The following IQCK variants were observed in gnomAD, a reference collection of about 807,000 sequenced individuals.
IQCK encodes IQ domain-containing protein K.
IQCK carries 29 observed loss-of-function variants against 28.1 expected under a neutral mutation model. The ratio of observed to expected loss-of-function variants is 1.03; its 90% CI spans 0.77 to 1.41. IQCK has a LOEUF of 1.41. Ranked by LOEUF, IQCK falls within the 40% of genes most tolerant of loss-of-function variation. The probability of loss-of-function intolerance (pLI) is 0.00; values close to 1 mark genes in which losing one functional copy is unlikely to be tolerated. For synonymous variants in IQCK, 113 were observed against 115.1 expected, an observed-to-expected ratio of 0.98 and a Z score of 0.12; for missense variants, 359 against 314.7, an observed-to-expected ratio of 1.14 and a Z score of -1.07.
chr16:19,853,419 C>T (rs931867497), intron 9 of IQCK, among the ~76,000 whole-genome samples: 22 of 152,160 alleles, frequency 1.4e-4, no homozygotes, highest in African/African-American at 4.3e-4. Flanking sequence ...TTTTCCCAAG[C>T]AAGGTCAACA....
At chr16:19,773,695 G>A (rs572998433) in intron 6 of IQCK, among the ~76,000 whole-genome samples, 1 of 152,306 alleles carries the variant, frequency 6.6e-6, no homozygotes, top group Admixed American at 6.5e-5. Flanking sequence ...ACAAAAACAG[G>A]TGGTGGGCCA....
intron 7 of IQCK, among the ~76,000 whole-genome samples, chr16:19,803,339 C>G (rs995240927): frequency 6.6e-6 from 1 of 152,066 alleles, no homozygotes; most frequent in Non-Finnish European, 1.5e-5. Flanking sequence ...GACAGGGTCT[C>G]ACCATGTTGG....
intron 6 of IQCK, among the ~76,000 whole-genome samples, chr16:19,772,395 G>A (rs1480885055): frequency 6.6e-6 from 1 of 151,782 alleles, no homozygotes; most frequent in Admixed American, 6.6e-5. Context: ...TCAAAAAAAC[G>A]GTATAAAAAA....
chr16:19,733,890 G>A, intron 3 of IQCK, 63 bp downstream of exon 3: 4 of 1,575,030 alleles, frequency 2.5e-6, no homozygotes, highest in Non-Finnish European at 3.5e-6. Context: ...ACCACAGGGT[G>A]GGTATGGAGG....
intron 4 of IQCK, among the ~76,000 whole-genome samples, chr16:19,763,416 A>T (rs1221844896): frequency 6.6e-6 from 1 of 152,154 alleles, no homozygotes; most frequent in South Asian, 2.1e-4. Flanking sequence ...AAGGGGAGGC[A>T]GGAGAGGCAG....
chr16:19,729,327 C>T (rs576530377), intron 1 of IQCK, among the ~76,000 whole-genome samples: 3 of 152,124 alleles, frequency 2.0e-5, no homozygotes, highest in East Asian at 3.9e-4. Context: ...AGGCTGATCT[C>T]GAACTCCTGA....
chr16:19,754,472 C>T (rs1054571631), intron 4 of IQCK, among the ~76,000 whole-genome samples: 14 of 152,140 alleles, frequency 9.2e-5, no homozygotes, highest in Admixed American at 5.2e-4. Context: ...TTTTCCCTTT[C>T]GGCTTTTGGT....
At chr16:19,791,632 T>C (rs1358650529) in intron 7 of IQCK, among the ~76,000 whole-genome samples, 2 of 142,068 alleles carry the variant, frequency 1.4e-5, no homozygotes, top group Non-Finnish European at 2.9e-5. Flanking sequence ...CTTAGTGATA[T>C]GAATACAGCA....
At chr16:19,802,913 T>A (rs1252198182) in intron 7 of IQCK, among the ~76,000 whole-genome samples, 2 of 152,166 alleles carry the variant, frequency 1.3e-5, no homozygotes, top group Admixed American at 1.3e-4. Flanking sequence ...TTCTTAACTC[T>A]GCTGAGGAAT....
intron 9 of IQCK, among the ~76,000 whole-genome samples, chr16:19,834,634 G>C (rs1048718648): frequency 2.0e-5 from 3 of 152,204 alleles, no homozygotes; most frequent in Non-Finnish European, 4.4e-5. Flanking sequence ...CCATTCAAAG[G>C]CTGCAGGATC....
chr16:19,748,221 T>G lies in IQCK; in HGVS notation c.474+12771T>G, dbSNP rs2054939437. Among the ~76,000 whole-genome samples the G allele has an allele frequency of 1.3e-5, 2 of 151,948 alleles. 1 individual carries two copies. The highest frequency in any genetic ancestry group is 4.2e-4 in the South Asian group (2 of 4,794). On this transcript the variant is annotated intron_variant, in intron 4 of 7. Coordinates refer to ENST00000564186, the Ensembl canonical transcript of IQCK. ...TCCCGAATAGCTGGGATTACAGGTG[T>G]GTGCCACCAGTCCCAGCTAATTTTT...
exon 10 of IQCK, chr16:19,857,549 A>G (rs2056577344): frequency 5.2e-6 from 2 of 382,888 alleles, no homozygotes; most frequent in Admixed American, 3.9e-5. Context: ...AGTGAGCCTT[A>G]GCTCTTCATC....
intron 9 of IQCK, among the ~76,000 whole-genome samples, chr16:19,852,214 C>A (rs2056491554): frequency 6.6e-6 from 1 of 152,132 alleles, no homozygotes. Context: ...AATACACGAA[C>A]ATACCTATTT....
chr16:19,783,361 A>G (rs951503229), intron 6 of IQCK, among the ~76,000 whole-genome samples: 9 of 152,136 alleles, frequency 5.9e-5, no homozygotes, highest in African/African-American at 1.7e-4. Context: ...GGACATGACA[A>G]ATGAGTATTA....
intron 4 of IQCK, chr16:19,736,074 A>G (rs1348878838): frequency 2.2e-6 from 1 of 452,720 alleles, no homozygotes; most frequent in South Asian, 1.6e-5. Context: ...CAAAAAAAAA[A>G]TCCCACAGAA....
downstream of IQCK, among the ~76,000 whole-genome samples, chr16:19,831,360 G>A (rs145756813): frequency 1.4e-3 from 213 of 152,324 alleles, no homozygotes; most frequent in South Asian, 3.3e-3. Context: ...GAGAAGCAGA[G>A]TACAACCTGC....
At chr16:19,725,175 A>G (rs753543625) in intron 1 of IQCK, among the ~76,000 whole-genome samples, 1 of 152,202 alleles carries the variant, frequency 6.6e-6, no homozygotes, top group Non-Finnish European at 1.5e-5. Context: ...ACATTTATAC[A>G]TTTAATATAC....
At chr16:19,775,477 C>T (rs1487522510) in intron 6 of IQCK, among the ~76,000 whole-genome samples, 2 of 152,118 alleles carry the variant, frequency 1.3e-5, no homozygotes, top group Non-Finnish European at 2.9e-5. Flanking sequence ...TTATTCTGGG[C>T]ACTTTATAAA....
At chr16:19,842,889 G>T (rs2056377197) in intron 9 of IQCK, among the ~76,000 whole-genome samples, 1 of 152,102 alleles carries the variant, frequency 6.6e-6, no homozygotes, top group Non-Finnish European at 1.5e-5. Flanking sequence ...TTATAACACA[G>T]ACAGCTTGTG....
Sources: gnomAD v4.1 joint callset for allele counts (sites outside exome capture counted in the v4.1 genomes callset) on GRCh38, gnomAD v4.1.1 for gene constraint, MANE v1.5 for transcripts, NCBI Gene and HGNC (gene_info 2026-07-23, HGNC 2026-07-21) for gene names.